Variants in SNAPC3 observed in about 807,000 individuals in gnomAD.
The protein encoded by SNAPC3 is small nuclear RNA activating complex polypeptide 3, also known as snRNA-activating protein complex subunit 3.
Under a neutral mutation model 47.7 loss-of-function variants are expected in SNAPC3, and 56 were observed. The ratio of observed to expected loss-of-function variants is 1.18; its 90% CI spans 0.95 to 1.47. The LOEUF (loss-of-function observed/expected upper bound fraction) is 1.47. SNAPC3 is among the 40% of genes most tolerant of loss of function. The pLI, the probability that SNAPC3 is intolerant of heterozygous loss-of-function variation, is 0.00. For synonymous variants in SNAPC3, 235 were observed against 189.9 expected (o/e 1.24, Z -1.95); for missense variants, 665 against 511.3 (o/e 1.30, Z -2.90).
intron 7 of SNAPC3, 61 bp from the exon 8 acceptor site, chr9:15,457,899 C>G: frequency 1.1e-6 from 1 of 904,726 alleles, no homozygotes; most frequent in Non-Finnish European, 1.7e-6. Flanking sequence ...TTTAATAGCT[C>G]ATAAAAATTT....
rs756310337 is a variant in SNAPC3 at position 15,433,582 on chromosome 9, A to T, written c.423A>T (p.Glu141Asp). Residue 141 changes from glutamate (E) to aspartate (D), a missense_variant, in exon 3 of 9, where the codon GAA (glutamate) becomes GAT (aspartate). By Grantham distance (45) the Glu-to-Asp change is conservative. Transcript: ENST00000380821. ...GAAAAAGGTTCTTGGAACATCGGGA[A>T]GAAACCATTACAATAGATCGAGCCT... ...GVRKRFLEHR[E>D]ETITIDRACR... The T allele has an allele frequency of 6.2e-7, 1 of 1,609,616 alleles. No individual in the cohort carries two copies. Among genetic ancestry groups the T allele is most frequent in the Non-Finnish European group, 8.5e-7 (1 of 1,177,480 alleles).
In SNAPC3 at chr9:15,423,955, A is replaced by G; in HGVS notation, c.361A>G (p.Ile121Val). 1.9e-6 allele frequency: 3 copies of G among 1,589,082 alleles called. No homozygotes were observed. The highest frequency in any genetic ancestry group is 2.6e-6 in the Non-Finnish European group (3 of 1,168,768). ...TGAGGACGGTGAGGATCCAGAAGTCATTCCGGAGAATACTGACCTGGTGAC... is the reference window on the plus strand; with the variant it reads ...TGAGGACGGTGAGGATCCAGAAGTCGTTCCGGAGAATACTGACCTGGTGAC... ...CLEDGEDPEV[I>V]PENTDLVTLG... The change falls in exon 2 of 9, where the codon ATT (isoleucine) becomes GTT (valine). Residue 121 changes from isoleucine (I) to valine (V), a missense_variant. By Grantham distance (29) the Ile-to-Val change is conservative. Coordinates refer to ENST00000380821, the MANE Select transcript of SNAPC3 (RefSeq NM_001039697.2).
intron 8 of SNAPC3, among the ~76,000 whole-genome samples, chr9:15,458,875 C>G (rs1041013534): frequency 7.2e-5 from 11 of 152,236 alleles, no homozygotes; most frequent in Non-Finnish European, 1.6e-4. Flanking sequence ...ACATCTGATG[C>G]TCAAATGATC....
intron 2 of SNAPC3, among the ~76,000 whole-genome samples, chr9:15,427,644 GC>G (rs1421928424): frequency 1.1e-4 from 16 of 152,222 alleles, no homozygotes; most frequent in African/African-American, 3.9e-4. Context: ...ACGACGCCCA[GC>G]CCTTCAGCAA....
rs921776548 is a variant in SNAPC3, at chr9:15,440,072, TTGTC to T, written c.478-4525_478-4522del. Among the ~76,000 whole-genome samples, 8 of 152,362 alleles carry T rather than the reference TTGTC, an allele frequency of 5.3e-5. No individual in the cohort carries two copies. In the South Asian group the frequency reaches 1.4e-3, roughly 28 times the overall value. The stretch of plus-strand genomic sequence containing the variant: ...ATTCAAATACTCTGCTTCCACATCT[TTGTC>T]TGTCCCTCTTTGGGTTGTCACAGAT... On this transcript the variant is annotated intron_variant, in intron 3 of 8. Coordinates refer to ENST00000380821, the MANE Select transcript of SNAPC3 (RefSeq NM_001039697.2).
At position 15,424,084 on chromosome 9, in the gene SNAPC3, A is replaced by G. The variant is rs531023863; in HGVS notation, c.392+98A>G. ...GTGCAGTATTGATTGTTGTCTGTAT[A>G]CCCACCCCTTAAATTCAGCTGTTCT... On this transcript the variant is annotated intron_variant, in intron 2 of 8. Transcript: ENST00000380821. 26 of 578,322 alleles carry G rather than the reference A, an allele frequency of 4.5e-5. No individual in the cohort carries two copies. The Admixed American group carries it at 7.3e-4, about 16-fold the overall frequency. 35.8% of individuals were successfully genotyped at this position (578,322 alleles called of 1,614,324 possible).
At chr9:15,432,840 A>G (rs1045524603) in intron 2 of SNAPC3, among the ~76,000 whole-genome samples, 11 of 152,256 alleles carry the variant, frequency 7.2e-5, no homozygotes, top group Non-Finnish European at 1.2e-4. Flanking sequence ...GACATAATCT[A>G]TCAGTGAATG....
chr9:15,458,395 A>G (rs961728616), intron 8 of SNAPC3, among the ~76,000 whole-genome samples: 4 of 152,198 alleles, frequency 2.6e-5, no homozygotes, highest in African/African-American at 9.6e-5. Flanking sequence ...AGCTCTGTAC[A>G]ATAACTCCCT....
chr9:15,460,774 A>G lies in SNAPC3; in HGVS notation c.*908A>G, dbSNP rs2035150422. On this transcript the variant is annotated 3_prime_UTR_variant, in exon 9 of 9. Transcript: ENST00000380821. ...GAAACTAGGCATACAAGACATGTTA[A>G]TAAGACTATGTGAATAATGAATTTA... The G allele has an allele frequency of 2.0e-5, 3 of 152,266 alleles. No homozygotes were observed. The highest frequency in any genetic ancestry group is 7.2e-5 in the African/African-American group (3 of 41,476). The allele number at this position is 152,266 out of a possible 1,614,324, so 9.4% of individuals were successfully genotyped here.
chr9:15,460,207 G>GA lies in SNAPC3; in HGVS notation c.*341_*342insA, dbSNP rs1347248757. The GA allele has an allele frequency of 6.1e-6, 1 of 163,688 alleles. No homozygotes were observed. Among genetic ancestry groups the GA allele is most frequent in the Non-Finnish European group, 1.3e-5 (1 of 76,170 alleles). 10.1% of individuals were successfully genotyped at this position (163,688 alleles called of 1,614,324 possible). A position where few individuals can be genotyped will look rare whatever the true frequency, so the allele number is the denominator to read the frequency against. On this transcript the variant is annotated 3_prime_UTR_variant, in exon 9 of 9. Transcript: ENST00000380821. ...CTTCCCTATTCATTCTCTGTCCAGA[G>GA]TTTTTTGCTAAAGATAGAATTATTA...
At chr9:15,450,071 C>G (rs752131582) in intron 5 of SNAPC3, among the ~76,000 whole-genome samples, 16 of 151,612 alleles carry the variant, frequency 1.1e-4, no homozygotes, top group South Asian at 6.3e-4. Context: ...TATTTTGGAC[C>G]CTGCTTACCT....
At chr9:15,440,725 G>T (rs559024418) in intron 3 of SNAPC3, among the ~76,000 whole-genome samples, 1 of 152,018 alleles carries the variant, frequency 6.6e-6, no homozygotes, top group Non-Finnish European at 1.5e-5. Flanking sequence ...CGAGGCGGGC[G>T]GATCACGAGG....
Position 15,457,672 on chromosome 9 carries a change from C to CATAAT in SNAPC3, c.981-286_981-282dup, listed in dbSNP as rs1273480207. ...TAGAATACATTCAAGAAATGCTCTA[C>CATAAT]ATAATAACTCCCTCTTAAGGGGGGA... On this transcript the variant is annotated intron_variant, in intron 7 of 8. Coordinates refer to ENST00000380821, the MANE Select transcript of SNAPC3 (RefSeq NM_001039697.2). Among the ~76,000 whole-genome samples the CATAAT allele has an allele frequency of 2.6e-5, 4 of 152,252 alleles. No homozygotes were observed. In the East Asian group the frequency reaches 7.7e-4, roughly 29 times the overall value.
chr9:15,442,540 G>A (rs879226215), intron 3 of SNAPC3, among the ~76,000 whole-genome samples: 9 of 151,390 alleles, frequency 5.9e-5, no homozygotes, highest in African/African-American at 1.7e-4. Flanking sequence ...ATCGGGTGGC[G>A]GCCGGGCAGA....
intron 2 of SNAPC3, among the ~76,000 whole-genome samples, chr9:15,430,288 C>T (rs2031971511): frequency 6.6e-6 from 1 of 152,050 alleles, no homozygotes; most frequent in African/African-American, 2.4e-5. Context: ...AACAATTAGC[C>T]AGCTGTGGTG....
chr9:15,455,370 C>T (rs1446978198), intron 7 of SNAPC3, among the ~76,000 whole-genome samples: 3 of 152,082 alleles, frequency 2.0e-5, no homozygotes, highest in Non-Finnish European at 2.9e-5. Flanking sequence ...AGTTCAAGAC[C>T]GGCCTGGCCA....
downstream of SNAPC3, chr9:15,462,083 T>C (rs180759777): frequency 9.8e-5 from 15 of 152,326 alleles, no homozygotes; most frequent in East Asian, 2.5e-3. Context: ...TTTTATCTTA[T>C]TCATTCATTT....
intron 3 of SNAPC3, among the ~76,000 whole-genome samples, chr9:15,442,497 G>C (rs1222637236): frequency 6.6e-6 from 1 of 151,718 alleles, no homozygotes; most frequent in Non-Finnish European, 1.5e-5. Context: ...TCTCAGACCG[G>C]GCGGCTGGGC....
intron 7 of SNAPC3, among the ~76,000 whole-genome samples, chr9:15,454,229 C>CA (rs574232604): frequency 0.033 from 3,594 of 109,912 alleles, 90 homozygotes; most frequent in East Asian, 0.16. Flanking sequence ...GACCTTGTCT[C>CA]AAAAAAAAAA....
Sources: allele counts gnomAD v4.1 joint callset (sites outside exome capture counted in the v4.1 genomes callset), GRCh38; gene constraint gnomAD v4.1.1; transcripts MANE v1.5; gene names NCBI Gene and HGNC (gene_info 2026-07-23, HGNC 2026-07-21).